The following MCOLN3 variants were observed in gnomAD, a reference collection of about 807,000 sequenced individuals.
MCOLN3 encodes mucolipin TRP cation channel 3, also known as mucolipin-3.
A neutral mutation model predicts 69.4 loss-of-function variants in MCOLN3; 62 were observed. The ratio of observed to expected loss-of-function variants is 0.89; its 90% CI spans 0.73 to 1.10. The LOEUF is 1.10. Among genes scored for constraint, MCOLN3 ranks in the 50% least tolerant of loss-of-function variants. MCOLN3 has a pLI of 0.00. For missense variants in MCOLN3, 564 were observed against 656.4 expected (o/e 0.86, Z 1.54); for synonymous variants, 183 against 217.0 (o/e 0.84, Z 1.38).
chr1:85,033,863 T>A (rs1158393369), intron 4 of MCOLN3, among the ~76,000 whole-genome samples: 1 of 152,188 alleles, frequency 6.6e-6, no homozygotes, highest in Non-Finnish European at 1.5e-5. Flanking sequence ...TGAGCCATAA[T>A]TTAGTCTTCT....
intron 1 of MCOLN3, chr1:85,047,741 G>T (rs985642038): frequency 2.0e-5 from 3 of 152,142 alleles, no homozygotes; most frequent in African/African-American, 7.3e-5. Flanking sequence ...AGTCTCTCCA[G>T]TCTTCTTTTT....
chr1:85,033,597 T>C (rs759595884), intron 4 of MCOLN3, among the ~76,000 whole-genome samples: 2 of 152,198 alleles, frequency 1.3e-5, no homozygotes, highest in Non-Finnish European at 2.9e-5. Flanking sequence ...TATTCCATGT[T>C]CTGATTTTCA....
chr1:85,027,953 T>G (rs933581364), intron 7 of MCOLN3, among the ~76,000 whole-genome samples: 4 of 152,234 alleles, frequency 2.6e-5, no homozygotes, highest in African/African-American at 9.6e-5. Context: ...AGCTCTGTGA[T>G]GAAGCATCCC....
At chr1:85,045,732 G>A (rs1399368792) in intron 1 of MCOLN3, among the ~76,000 whole-genome samples, 1 of 152,174 alleles carries the variant, frequency 6.6e-6, no homozygotes, top group Non-Finnish European at 1.5e-5. Context: ...GGGTAGGTGG[G>A]CCTTGAAGTT....
In MCOLN3 at chr1:85,041,133, C is replaced by T. The variant is rs1411251616; in HGVS notation, c.273G>A (p.Lys91=). 6 of 1,613,804 alleles carry T rather than the reference C, an allele frequency of 3.7e-6. No individual in the cohort carries two copies. The African/African-American group carries it at 6.7e-5, about 18-fold the overall frequency. ...GLSNQMVVAF[K]EENTIAFKHL... ...GTTTGAATGCTATAGTATTCTCTTCCTTGAAAGCTACCACCATCTGGTTAC... is the reference window on the plus strand; with the variant it reads ...GTTTGAATGCTATAGTATTCTCTTCTTTGAAAGCTACCACCATCTGGTTAC... Residue 91 remains lysine, a synonymous_variant, in exon 3 of 13, where the codon AAG becomes AAA. Transcript: ENST00000370589.
chr1:85,033,756 G>C (rs1001756393), intron 4 of MCOLN3, among the ~76,000 whole-genome samples: 1 of 152,172 alleles, frequency 6.6e-6, no homozygotes, highest in African/African-American at 2.4e-5. Flanking sequence ...TCCTGCACAA[G>C]AGATGGTGGA....
intron 3 of MCOLN3, 42 bp downstream of exon 3, chr1:85,040,966 GTC>G: frequency 6.3e-7 from 1 of 1,593,978 alleles, no homozygotes; most frequent in Non-Finnish European, 8.5e-7. Context: ...CATTTTTCCA[GTC>G]TGTTCTTTTT....
At chr1:85,043,028 C>T (rs935981729) in intron 2 of MCOLN3, among the ~76,000 whole-genome samples, 2 of 152,110 alleles carry the variant, frequency 1.3e-5, no homozygotes, top group Admixed American at 6.5e-5. Context: ...CCCTTGACCA[C>T]CTTAGTAAAC....
intron 1 of MCOLN3, among the ~76,000 whole-genome samples, chr1:85,045,617 T>C (rs1015220497): frequency 2.0e-5 from 3 of 152,212 alleles, no homozygotes; most frequent in African/African-American, 7.2e-5. Context: ...CTGCTCCCAT[T>C]AGTAAAAGAT....
chr1:85,032,422 A>G (rs1475455989), intron 6 of MCOLN3, among the ~76,000 whole-genome samples: 1 of 152,150 alleles, frequency 6.6e-6, no homozygotes, highest in Non-Finnish European at 1.5e-5. Context: ...TTGAAAATCT[A>G]TACCAGGCAC....
At chr1:85,039,426 G>A (rs1044188087) in intron 3 of MCOLN3, among the ~76,000 whole-genome samples, 4 of 152,226 alleles carry the variant, frequency 2.6e-5, no homozygotes, top group Non-Finnish European at 4.4e-5. Flanking sequence ...GAAGGTGCAA[G>A]CCATTACCAG....
chr1:85,044,831 T>C (rs1303008703), intron 2 of MCOLN3, among the ~76,000 whole-genome samples: 1 of 152,228 alleles, frequency 6.6e-6, no homozygotes. Flanking sequence ...ATGGCTTATT[T>C]AGAAACCAGC....
chr1:85,044,503 A>G (rs1653239874), intron 2 of MCOLN3, among the ~76,000 whole-genome samples: 1 of 152,242 alleles, frequency 6.6e-6, no homozygotes, highest in African/African-American at 2.4e-5. Context: ...ATAAGAATAA[A>G]TCACAACCAG....
At chr1:85,020,674 T>C (rs1170277114) in intron 12 of MCOLN3, among the ~76,000 whole-genome samples, 1 of 152,216 alleles carries the variant, frequency 6.6e-6, no homozygotes, top group Admixed American at 6.5e-5. Context: ...AACAAAGGGG[T>C]CAATTTTTCT....
In MCOLN3 at chr1:85,040,578, G is replaced by A. The variant is rs139614768; in HGVS notation, c.396+432C>T. The stretch of plus-strand genomic sequence containing the variant: ...AATCATTGTCATGTATGACATAAAG[G>A]CCTTACTTTCAAGTGAATTTTTAGG... On this transcript the variant is annotated intron_variant, in intron 3 of 12. Coordinates refer to ENST00000370589, the MANE Select transcript of MCOLN3 (RefSeq NM_018298.11). Among the ~76,000 whole-genome samples the A allele has an allele frequency of 6.6e-5, 10 of 152,140 alleles. No homozygotes were observed. The East Asian group carries it at 1.9e-3, about 29-fold the overall frequency.
chr1:85,029,343 C>G, intron 6 of MCOLN3, 138 bp from the exon 7 acceptor site: 1 of 607,208 alleles, frequency 1.6e-6, no homozygotes, highest in Non-Finnish European at 2.9e-6. Context: ...TAATTCTGTT[C>G]AACCATGGGA....
intron 7 of MCOLN3, among the ~76,000 whole-genome samples, chr1:85,028,583 T>G (rs1652341601): frequency 6.6e-6 from 1 of 152,220 alleles, no homozygotes; most frequent in African/African-American, 2.4e-5. Context: ...CACCTGAATT[T>G]TTGTCCATAT....
At chr1:85,039,083 T>C (rs1257267979) in intron 3 of MCOLN3, among the ~76,000 whole-genome samples, 1 of 152,064 alleles carries the variant, frequency 6.6e-6, no homozygotes, top group Non-Finnish European at 1.5e-5. Flanking sequence ...ACTGACCTCA[T>C]TAGACCTCAT....
chr1:85,036,637 AC>A (rs1447017324), intron 3 of MCOLN3: 1 of 152,008 alleles, frequency 6.6e-6, no homozygotes, highest in Non-Finnish European at 1.5e-5. Context: ...GTCCTGAGAG[AC>A]CTGGCCCCCA....
Sources: gnomAD v4.1 joint callset for allele counts (sites outside exome capture counted in the v4.1 genomes callset) on GRCh38, gnomAD v4.1.1 for gene constraint, MANE v1.5 for transcripts, NCBI Gene and HGNC (gene_info 2026-07-23, HGNC 2026-07-21) for gene names.